Variants in TNPO1 observed in about 807,000 individuals in gnomAD.
TNPO1 encodes the protein transportin 1.
TNPO1 carries 8 observed loss-of-function variants against 119.5 expected under a neutral mutation model. The observed-to-expected ratio is 0.07, with a 90% confidence interval of 0.04 to 0.12. The LOEUF (loss-of-function observed/expected upper bound fraction) is 0.12. TNPO1 is among the 10% of genes least tolerant of loss of function. TNPO1 has a pLI of 1.00. For synonymous variants in TNPO1, 362 were observed against 363.0 expected (o/e 1.00, Z 0.03); for missense variants, 576 against 1,089.8 (o/e 0.53, Z 6.64).
At chr5:72,817,598 A>G (rs1743757804) in intron 1 of TNPO1, among the ~76,000 whole-genome samples, 1 of 152,216 alleles carries the variant, frequency 6.6e-6, no homozygotes, top group Non-Finnish European at 1.5e-5. Flanking sequence ...AGAAATTTGA[A>G]ATTGGAGGCT....
At chr5:72,848,340 A>G in intron 1 of TNPO1, 45 bp from the exon 2 acceptor site, 1 of 1,580,182 alleles carries the variant, frequency 6.3e-7, no homozygotes, top group Non-Finnish European at 8.6e-7. Flanking sequence ...GTGCACCGGG[A>G]GTAACAGTTG....
intron 1 of TNPO1, among the ~76,000 whole-genome samples, chr5:72,826,704 G>A (rs760771956): frequency 2.0e-5 from 3 of 152,126 alleles, no homozygotes; most frequent in Non-Finnish European, 2.9e-5. Context: ...GGAAAGTTAA[G>A]GCGTATTTTG....
At chr5:72,820,894 C>A (rs1743928745) in intron 1 of TNPO1, among the ~76,000 whole-genome samples, 1 of 152,062 alleles carries the variant, frequency 6.6e-6, no homozygotes, top group Non-Finnish European at 1.5e-5. Context: ...TAATTGGTAA[C>A]AACTATATAA....
chr5:72,885,417 TG>T (rs1197598641), intron 11 of TNPO1, among the ~76,000 whole-genome samples: 1 of 152,196 alleles, frequency 6.6e-6, no homozygotes, highest in East Asian at 1.9e-4. Flanking sequence ...CATACATGGA[TG>T]GGGGAACACT....
intron 11 of TNPO1, among the ~76,000 whole-genome samples, chr5:72,884,739 G>A (rs1026194154): frequency 2.6e-5 from 4 of 151,970 alleles, no homozygotes; most frequent in Non-Finnish European, 4.4e-5. Flanking sequence ...TTGGCATTTT[G>A]GGCCACATAA....
chr5:72,859,083 A>G (rs1746232201), intron 4 of TNPO1, among the ~76,000 whole-genome samples: 1 of 152,140 alleles, frequency 6.6e-6, no homozygotes, highest in Non-Finnish European at 1.5e-5. Flanking sequence ...ATCTCTAAGA[A>G]TTGGCAACAG....
intron 1 of TNPO1, among the ~76,000 whole-genome samples, chr5:72,831,290 G>A (rs1744448117): frequency 6.6e-6 from 1 of 151,852 alleles, no homozygotes; most frequent in Admixed American, 6.6e-5. Context: ...TACATATTTA[G>A]TAGGGTTTTT....
rs564073348 is a variant in TNPO1 at position 72,875,513 on chromosome 5, G to A, written c.679-102G>A. 3 of 1,265,184 alleles carry A rather than the reference G, an allele frequency of 2.4e-6. No homozygotes were observed. In the African/African-American group the frequency reaches 4.5e-5, roughly 19 times the overall value. 78.4% of individuals were successfully genotyped at this position (1,265,184 alleles called of 1,614,324 possible). ...TGTAGGCCAATTCAGTCAGTTTTTG[G>A]TACCTTTGTAGGGTTTCTTTAAATG... On this transcript the variant is annotated intron_variant, in intron 7 of 24. Coordinates refer to ENST00000337273, the MANE Select transcript of TNPO1 (RefSeq NM_002270.4).
At chr5:72,830,018 G>A (rs1234674239) in intron 1 of TNPO1, among the ~76,000 whole-genome samples, 1 of 152,156 alleles carries the variant, frequency 6.6e-6, no homozygotes, top group African/African-American at 2.4e-5. Context: ...GAAGGTAGGA[G>A]ATTTTCCTGG....
At chr5:72,817,585 T>C (rs1007230462) in intron 1 of TNPO1, among the ~76,000 whole-genome samples, 2 of 152,234 alleles carry the variant, frequency 1.3e-5, no homozygotes, top group African/African-American at 4.8e-5. Flanking sequence ...TAGATGTAAA[T>C]GTAGAAATTT....
chr5:72,880,739 C>T (rs996606869), intron 9 of TNPO1, among the ~76,000 whole-genome samples: 3 of 146,616 alleles, frequency 2.0e-5, no homozygotes, highest in Non-Finnish European at 4.5e-5. Flanking sequence ...TAGCTTGAAC[C>T]CGGGAAGTGG....
chr5:72,898,104 CTGAAAAG>C (rs1176346619), intron 20 of TNPO1, among the ~76,000 whole-genome samples: 1 of 151,942 alleles, frequency 6.6e-6, no homozygotes, highest in Non-Finnish European at 1.5e-5. Context: ...GATTTTCTTG[CTGAAAAG>C]TACAAAAATC....
intron 1 of TNPO1, among the ~76,000 whole-genome samples, chr5:72,831,418 T>A (rs777202245): frequency 5.3e-5 from 8 of 151,960 alleles, no homozygotes; most frequent in Non-Finnish European, 1.0e-4. Flanking sequence ...ATCCTTGTAT[T>A]ATTATGTCTG....
At chr5:72,825,079 C>T (rs972518791) in intron 1 of TNPO1, among the ~76,000 whole-genome samples, 3 of 152,102 alleles carry the variant, frequency 2.0e-5, no homozygotes, top group East Asian at 1.9e-4. Context: ...CAAAATACAT[C>T]GAAAATCCTA....
At chr5:72,899,096 T>C (rs544710516) in intron 20 of TNPO1, among the ~76,000 whole-genome samples, 148 of 152,306 alleles carry the variant, frequency 9.7e-4, no homozygotes, top group African/African-American at 3.4e-3. Flanking sequence ...GGTGAATATA[T>C]GTTTGCCCAC....
intron 5 of TNPO1, 87 bp from the exon 6 acceptor site, chr5:72,865,509 C>A (rs1030458088): frequency 2.9e-6 from 4 of 1,392,300 alleles, no homozygotes; most frequent in Non-Finnish European, 4.0e-6. Context: ...GAACATTAGT[C>A]CATACAAATT....
chr5:72,907,930 T>A (rs551132472), intron 24 of TNPO1, among the ~76,000 whole-genome samples: 1 of 152,006 alleles, frequency 6.6e-6, no homozygotes, highest in South Asian at 2.1e-4. Context: ...GGTATGTACC[T>A]ATGGTCCCAG....
At chr5:72,828,537 T>C (rs184055414) in intron 1 of TNPO1, among the ~76,000 whole-genome samples, 3 of 152,280 alleles carry the variant, frequency 2.0e-5, no homozygotes, top group African/African-American at 7.2e-5. Context: ...ACACAAATTT[T>C]TGGGGGGTCA....
Position 72,891,790 on chromosome 5 carries a change from T to G in TNPO1, c.1702-20T>G. The G allele has an allele frequency of 6.5e-7, 1 of 1,549,522 alleles. No individual in the cohort carries two copies. The highest frequency in any genetic ancestry group is 8.8e-7 in the Non-Finnish European group (1 of 1,132,584). Reference sequence around the variant, plus strand: ...ACATGTGATAGTGGAATTTTATATGTTTTTCATCATTGTAAATAGGAATAT... The same window carrying G: ...ACATGTGATAGTGGAATTTTATATGGTTTTCATCATTGTAAATAGGAATAT... On this transcript the variant is annotated intron_variant, in intron 14 of 24. Coordinates refer to ENST00000337273, the MANE Select transcript of TNPO1 (RefSeq NM_002270.4).
Sources: allele counts gnomAD v4.1 joint callset (sites outside exome capture counted in the v4.1 genomes callset), GRCh38; gene constraint gnomAD v4.1.1; transcripts MANE v1.5; gene names NCBI Gene and HGNC (gene_info 2026-07-23, HGNC 2026-07-21).